The following LIMA1 variants were observed in gnomAD, a reference collection of about 807,000 sequenced individuals.
The protein encoded by LIMA1 is LIM domain and actin-binding protein 1.
Under a neutral mutation model 62.6 loss-of-function variants are expected in LIMA1, and 52 were observed. That is an observed-to-expected ratio of 0.83 (90% CI 0.67 to 1.05). The LOEUF is 1.05. LIMA1 is among the 50% of genes least tolerant of loss of function. LIMA1 has a pLI of 0.00. For synonymous variants in LIMA1, 302 were observed against 317.8 expected (o/e 0.95, Z 0.53); for missense variants, 780 against 902.2 (o/e 0.86, Z 1.74).
chr12:50,207,411 C>T lies in LIMA1; in HGVS notation c.631-1343G>A, dbSNP rs75366040. ...TGTTTATTCAGCTTATAATGAGATC[C>T]TTACATCAGATCCTATCATTCAAAT... On this transcript the variant is annotated intron_variant, in intron 4 of 10. Coordinates refer to ENST00000341247, the MANE Select transcript of LIMA1 (RefSeq NM_016357.5). 1.3e-3 allele frequency among the ~76,000 whole-genome samples: 195 copies of T among 152,216 alleles called. 1 individual carries two copies. The highest frequency in any genetic ancestry group is 4.5e-3 in the African/African-American group (188 of 41,526).
At chr12:50,216,966 AT>A (rs1565844726) in intron 4 of LIMA1, among the ~76,000 whole-genome samples, 1 of 152,040 alleles carries the variant, frequency 6.6e-6, no homozygotes. Context: ...GCTTTAATCA[AT>A]TTTCATTATT....
chr12:50,208,193 T>C (rs1941188062), intron 4 of LIMA1, among the ~76,000 whole-genome samples: 1 of 151,774 alleles, frequency 6.6e-6, no homozygotes, highest in Non-Finnish European at 1.5e-5. Context: ...ACAAAAAAGA[T>C]ACAAAAGTTA....
At chr12:50,245,530 G>A (rs555975411) in intron 2 of LIMA1, among the ~76,000 whole-genome samples, 2 of 152,024 alleles carry the variant, frequency 1.3e-5, no homozygotes, top group Non-Finnish European at 2.9e-5. Flanking sequence ...TGGTGCCAAT[G>A]GCCCTGGGGG....
At chr12:50,201,448 T>C (rs1346791589) in intron 6 of LIMA1, 1 of 980,876 alleles carries the variant, frequency 1.0e-6, no homozygotes, top group East Asian at 1.1e-4. Flanking sequence ...ATTCATATAT[T>C]GTACTAAAGA....
At chr12:50,266,442 C>T (rs1012957843) in intron 1 of LIMA1, among the ~76,000 whole-genome samples, 4 of 152,192 alleles carry the variant, frequency 2.6e-5, no homozygotes, top group African/African-American at 9.7e-5. Context: ...CATCTTCCCA[C>T]CTCAGGGCAT....
chr12:50,208,433 C>G (rs1455244835), intron 4 of LIMA1, among the ~76,000 whole-genome samples: 4 of 152,142 alleles, frequency 2.6e-5, no homozygotes, highest in African/African-American at 9.7e-5. Flanking sequence ...TTGCAGTGAG[C>G]AGAGATCAGG....
chr12:50,182,105 T>C (rs1361557114), intron 9 of LIMA1, 68 bp from the exon 10 acceptor site: 3 of 1,567,654 alleles, frequency 1.9e-6, no homozygotes, highest in Admixed American at 1.7e-5. Flanking sequence ...AGATGGACCC[T>C]AGAATTTACT....
At chr12:50,259,608 A>G (rs1942040374) in intron 1 of LIMA1, among the ~76,000 whole-genome samples, 1 of 152,218 alleles carries the variant, frequency 6.6e-6, no homozygotes, top group Admixed American at 6.5e-5. Flanking sequence ...ATATAAAAAA[A>G]TGGAACCACT....
At chr12:50,190,585 G>A (rs1177093310) in intron 9 of LIMA1, among the ~76,000 whole-genome samples, 2 of 122,964 alleles carry the variant, frequency 1.6e-5, no homozygotes, top group African/African-American at 6.1e-5. Flanking sequence ...TCTCCATGTT[G>A]TTCAGGCTGG....
chr12:50,179,539 G>A (rs1940444429), intron 10 of LIMA1, among the ~76,000 whole-genome samples: 2 of 150,998 alleles, frequency 1.3e-5, no homozygotes, highest in Admixed American at 1.3e-4. Flanking sequence ...CCAGGTTCAC[G>A]CCATTCTCCT....
intron 2 of LIMA1, among the ~76,000 whole-genome samples, chr12:50,240,516 G>A (rs910702675): frequency 6.6e-6 from 1 of 152,100 alleles, no homozygotes; most frequent in Non-Finnish European, 1.5e-5. Context: ...GATATATTTC[G>A]AGAAAGAATC....
chr12:50,263,042 C>G (rs1942090907), intron 1 of LIMA1, among the ~76,000 whole-genome samples: 1 of 152,154 alleles, frequency 6.6e-6, no homozygotes, highest in African/African-American at 2.4e-5. Flanking sequence ...TGATGCCCAT[C>G]ATCTAGGTTC....
chr12:50,242,043 G>T (rs1428291105), intron 2 of LIMA1, among the ~76,000 whole-genome samples: 1 of 144,190 alleles, frequency 6.9e-6, no homozygotes, highest in African/African-American at 2.6e-5. Flanking sequence ...CAGCTGTGGG[G>T]CAGGCAGCTG....
chr12:50,260,195 T>C lies in LIMA1; in HGVS notation c.-23-11421A>G, dbSNP rs1328427565. Among the ~76,000 whole-genome samples, 3 of 151,844 alleles carry C rather than the reference T, an allele frequency of 2.0e-5. No individual in the cohort carries two copies. In the East Asian group the frequency reaches 5.8e-4, roughly 29 times the overall value. On this transcript the variant is annotated intron_variant, in intron 1 of 10. Coordinates refer to ENST00000341247, the MANE Select transcript of LIMA1 (RefSeq NM_016357.5). The stretch of plus-strand genomic sequence containing the variant: ...AGAGTTTCACTCTTGTTGCCCATGC[T>C]GGAGTGCAATGTCGCAATCTTGGCT...
At chr12:50,222,789 G>A in intron 3 of LIMA1, 1 of 856,320 alleles carries the variant, frequency 1.2e-6, no homozygotes, top group Non-Finnish European at 1.5e-6. Flanking sequence ...CGAAACAAGA[G>A]ATTTTTACCC....
intron 3 of LIMA1, among the ~76,000 whole-genome samples, chr12:50,223,364 T>G (rs1480518014): frequency 6.6e-6 from 1 of 151,826 alleles, no homozygotes; most frequent in Non-Finnish European, 1.5e-5. Context: ...ACACCCATAG[T>G]CCCAGCTACT....
chr12:50,261,263 A>T (rs1942070201), intron 1 of LIMA1, among the ~76,000 whole-genome samples: 1 of 151,588 alleles, frequency 6.6e-6, no homozygotes, highest in African/African-American at 2.4e-5. Context: ...CGTGTTAGCC[A>T]GGATGGTCTC....
chr12:50,213,168 T>TA (rs1218753126), intron 4 of LIMA1, among the ~76,000 whole-genome samples: 2 of 152,256 alleles, frequency 1.3e-5, no homozygotes, highest in African/African-American at 4.8e-5. Context: ...CTTTCATTCA[T>TA]ATCTCTTGCA....
intron 4 of LIMA1, among the ~76,000 whole-genome samples, chr12:50,210,739 G>C (rs1158361967): frequency 1.3e-5 from 2 of 152,146 alleles, no homozygotes; most frequent in Non-Finnish European, 2.9e-5. Flanking sequence ...TAAACTGCTG[G>C]GTTAATTAAA....
Sources: gnomAD v4.1 joint callset for allele counts (sites outside exome capture counted in the v4.1 genomes callset) on GRCh38, gnomAD v4.1.1 for gene constraint, MANE v1.5 for transcripts, NCBI Gene and HGNC (gene_info 2026-07-23, HGNC 2026-07-21) for gene names.